The following TERF1 variants were observed in gnomAD, a reference collection of about 807,000 sequenced individuals.
TERF1 encodes telomeric repeat-binding factor 1.
In TERF1, 20 loss-of-function variants were observed where a neutral mutation model predicts 55.1. The ratio of observed to expected loss-of-function variants is 0.36; its 90% confidence interval spans 0.26 to 0.53. The LOEUF is 0.53. TERF1 is among the 20% of genes least tolerant of loss of function. The pLI is 0.91. For synonymous variants in TERF1, 168 were observed against 181.2 expected (o/e 0.93, Z 0.59); for missense variants, 439 against 535.7 (o/e 0.82, Z 1.78).
At chr8:73,015,406 T>C (rs1586029700) in intron 2 of TERF1, among the ~76,000 whole-genome samples, 1 of 151,828 alleles carries the variant, frequency 6.6e-6, no homozygotes, top group African/African-American at 2.4e-5. Context: ...CTAATAGCTA[T>C]GTTAAGAAAA....
Position 73,024,935 on chromosome 8 carries a change from T to C in TERF1, c.738T>C (p.Tyr246=), listed in dbSNP as rs566309659. Residue 246 remains tyrosine (Y), a synonymous_variant, in exon 5 of 10, where the codon TAT becomes TAC. Coordinates refer to ENST00000276603, the MANE Select transcript of TERF1 (RefSeq NM_017489.3). ...MMEKIKSYVN[Y]VLSEKSSTFL... is the part of the protein sequence containing the mutation. ...AGAAAATTAAGAGTTATGTGAATTA[T>C]GTGCTAAGTGAAAAATCATCAACCT... 6.3e-7 allele frequency: 1 copy of C among 1,579,166 alleles called. No individual in the cohort carries two copies. The highest frequency in any genetic ancestry group is 2.3e-5 in the East Asian group (1 of 44,418).
At chr8:73,032,246 C>T (rs1434346161) in intron 8 of TERF1, 113 bp downstream of exon 8, 5 of 685,346 alleles carry the variant, frequency 7.3e-6, no homozygotes, top group Non-Finnish European at 1.2e-5. Context: ...AACTGAAGCA[C>T]AAAGTCTTGA....
Position 73,030,410 on chromosome 8 carries a change from C to T in TERF1, c.947+15C>T, listed in dbSNP as rs201072411. On this transcript the variant is annotated intron_variant, in intron 7 of 9. Transcript: ENST00000276603. ...TCCTTATTGAGGTGAAGTAAATTGA[C>T]GTTTTTCTTCTTTGTCTTTCAAATC... 1.5e-4 allele frequency: 217 copies of T among 1,462,408 alleles called. No individual in the cohort carries two copies. In the African/African-American group the frequency reaches 1.5e-3, roughly 10 times the overall value. The allele number at this position is 1,462,408 out of a possible 1,614,324, so 90.6% of individuals were successfully genotyped here. A position where few individuals can be genotyped will look rare whatever the true frequency, so the allele number is the denominator to read the frequency against.
At chr8:73,013,002 A>T in intron 1 of TERF1, 1 of 452,576 alleles carries the variant, frequency 2.2e-6, no homozygotes, top group South Asian at 1.6e-5. Flanking sequence ...GTTAAATTCT[A>T]TTATGACTGT....
chr8:73,024,681 A>G (rs1808903613), intron 4 of TERF1, 141 bp from the exon 5 acceptor site: 3 of 626,194 alleles, frequency 4.8e-6, no homozygotes, highest in Non-Finnish European at 2.6e-6. Flanking sequence ...TTGGCATGCC[A>G]TTTAAAACTT....
intron 5 of TERF1, among the ~76,000 whole-genome samples, chr8:73,025,983 C>G (rs753637382): frequency 6.6e-6 from 1 of 150,728 alleles, no homozygotes; most frequent in African/African-American, 2.4e-5. Flanking sequence ...TCGCTTGATC[C>G]CAGGAGTTTG....
chr8:73,024,705 T>G (rs1457419792), intron 4 of TERF1, 117 bp from the exon 5 acceptor site: 4 of 742,480 alleles, frequency 5.4e-6, no homozygotes, highest in Non-Finnish European at 6.2e-6. Flanking sequence ...TTTAAAAATA[T>G]CTGTGTCTCT....
intron 9 of TERF1, among the ~76,000 whole-genome samples, chr8:73,043,877 G>C (rs137950376): frequency 6.6e-6 from 1 of 152,272 alleles, no homozygotes; most frequent in Non-Finnish European, 1.5e-5. Context: ...GCTGAATAAC[G>C]TATATGGCAA....
At position 73,030,486 on chromosome 8, in the gene TERF1, T is replaced by C; in HGVS notation, c.947+91T>C. ...CTAATAAAAACTACCACATAAATGG[T>C]ACAATTGAAAGAATATCTCAGGGTC... is the stretch of plus-strand genomic sequence containing the variant. On this transcript the variant is annotated intron_variant, in intron 7 of 9. Transcript: ENST00000276603. The C allele has an allele frequency of 8.9e-6, 7 of 790,394 alleles. No homozygotes were observed. The South Asian group carries it at 2.0e-4, about 22-fold the overall frequency. 49.0% of individuals were successfully genotyped at this position (790,394 alleles called of 1,614,324 possible). A position where few individuals can be genotyped will look rare whatever the true frequency, so the allele number is the denominator to read the frequency against.
At chr8:73,020,892 G>A in intron 3 of TERF1, 87 bp downstream of exon 3, 1 of 866,194 alleles carries the variant, frequency 1.2e-6, no homozygotes, top group South Asian at 2.0e-5. Flanking sequence ...AAGTTGAGCA[G>A]TAGTAAAATT....
At chr8:73,031,639 C>T (rs1181035528) in intron 7 of TERF1, 1 of 153,204 alleles carries the variant, frequency 6.5e-6, no homozygotes, top group African/African-American at 2.4e-5. Context: ...CAAGTGATAC[C>T]TGCCATTATG....
chr8:73,026,641 T>TA (rs1809016902), intron 5 of TERF1, among the ~76,000 whole-genome samples: 1 of 142,326 alleles, frequency 7.0e-6, no homozygotes, highest in African/African-American at 3.0e-5. Flanking sequence ...ATTTTTATTT[T>TA]TTTTTTTTTT....
At position 73,046,215 on chromosome 8, in the gene TERF1, T is replaced by A; in HGVS notation, c.*78T>A. The A allele has an allele frequency of 7.7e-7, 1 of 1,293,602 alleles. No individual in the cohort carries two copies. The highest frequency in any genetic ancestry group is 2.8e-5 in the Admixed American group (1 of 35,946). 80.1% of individuals were successfully genotyped at this position (1,293,602 alleles called of 1,614,324 possible). A position where few individuals can be genotyped will look rare whatever the true frequency, so the allele number is the denominator to read the frequency against. ...TTTTGTTTGAAACTTGTGTCATTGATGTAATTTAAAACTTTTGTTTAAAGC... is the reference window on the plus strand; with the variant it reads ...TTTTGTTTGAAACTTGTGTCATTGAAGTAATTTAAAACTTTTGTTTAAAGC... On this transcript the variant is annotated 3_prime_UTR_variant, in exon 10 of 10. Coordinates refer to ENST00000276603, the MANE Select transcript of TERF1 (RefSeq NM_017489.3).
chr8:73,037,343 C>T (rs908228347), intron 8 of TERF1, among the ~76,000 whole-genome samples: 33 of 118,442 alleles, frequency 2.8e-4, no homozygotes, highest in Non-Finnish European at 4.5e-4. Context: ...TGTTGGCCCT[C>T]TATATTCACA....
chr8:73,009,016 C>T lies in TERF1; in HGVS notation c.130C>T (p.Leu44=). 6.2e-7 allele frequency: 1 copy of T among 1,611,674 alleles called. No homozygotes were observed. The highest frequency in any genetic ancestry group is 8.5e-7 in the Non-Finnish European group (1 of 1,179,370). The part of the protein sequence containing the change: ...NDEEQFECQE[L]LECQVQVGAP... The stretch of plus-strand genomic sequence containing the variant: ...CGAGGAGCAGTTCGAATGCCAGGAA[C>T]TGCTCGAGTGCCAGGTGCAGGTGGG... The change falls in exon 1 of 10, where the codon CTG becomes TTG. Residue 44 remains leucine, a synonymous_variant. Coordinates refer to ENST00000276603, the MANE Select transcript of TERF1 (RefSeq NM_017489.3).
chr8:73,036,810 T>G (rs1809530233), intron 8 of TERF1, among the ~76,000 whole-genome samples: 1 of 146,544 alleles, frequency 6.8e-6, no homozygotes, highest in Admixed American at 7.0e-5. Context: ...TCACTTTTAT[T>G]ATTGTAGTTA....
Position 73,008,916 on chromosome 8 carries a change from G to A in TERF1, c.30G>A (p.Pro10=), listed in dbSNP as rs1192062931. 8 of 1,611,236 alleles carry A rather than the reference G, an allele frequency of 5.0e-6. No individual in the cohort carries two copies. The highest frequency in any genetic ancestry group is 6.8e-6 in the Non-Finnish European group (8 of 1,178,990). ...CGGAGGATGTTTCCTCAGCGGCCCCGAGCCCGCGGGGCTGTGCGGATGGTA... is the reference window on the plus strand; with the variant it reads ...CGGAGGATGTTTCCTCAGCGGCCCCAAGCCCGCGGGGCTGTGCGGATGGTA... The part of the protein sequence containing the change: MAEDVSSAA[P]SPRGCADGRD... Residue 10 remains proline (P), a synonymous_variant, in exon 1 of 10, where the codon CCG becomes CCA. Transcript: ENST00000276603.
chr8:73,015,377 A>G (rs1246436713), intron 2 of TERF1, among the ~76,000 whole-genome samples: 2 of 147,876 alleles, frequency 1.4e-5, no homozygotes, highest in Non-Finnish European at 3.0e-5. Context: ...TGTGAGCCAC[A>G]TGTCTAATTT....
chr8:73,034,375 G>A (rs1052819407), intron 8 of TERF1, among the ~76,000 whole-genome samples: 2 of 150,888 alleles, frequency 1.3e-5, no homozygotes, highest in East Asian at 2.0e-4. Flanking sequence ...CAGGCAATCC[G>A]CCCACCTCGG....
Sources: gnomAD v4.1 joint callset for allele counts (sites outside exome capture counted in the v4.1 genomes callset) on GRCh38, gnomAD v4.1.1 for gene constraint, MANE v1.5 for transcripts, NCBI Gene and HGNC (gene_info 2026-07-23, HGNC 2026-07-21) for gene names.